The following CCDC34 variants were observed in gnomAD, a reference collection of about 807,000 sequenced individuals.
The protein encoded by CCDC34 is coiled-coil domain containing 34.
In CCDC34, 40 loss-of-function variants were observed where a neutral mutation model predicts 44.1. The ratio of observed to expected loss-of-function variants is 0.91; its 90% confidence interval spans 0.70 to 1.18. The LOEUF (loss-of-function observed/expected upper bound fraction) is 1.18. Among genes scored for constraint, CCDC34 ranks in the 50% most tolerant of loss-of-function variants. CCDC34 has a pLI of 0.00. For missense variants in CCDC34, 466 were observed against 452.3 expected, an observed-to-expected ratio of 1.03 and a Z score of -0.28; for synonymous variants, 159 against 158.2, an observed-to-expected ratio of 1.01 and a Z score of -0.04.
At chr11:27,360,286 G>A (rs779864755) in intron 1 of CCDC34, among the ~76,000 whole-genome samples, 1 of 152,128 alleles carries the variant, frequency 6.6e-6, no homozygotes, top group Non-Finnish European at 1.5e-5. Context: ...CCAGGAAAAC[G>A]CTTCTCATTA....
At chr11:27,356,723 T>C (rs893100820) in intron 2 of CCDC34, among the ~76,000 whole-genome samples, 5 of 151,548 alleles carry the variant, frequency 3.3e-5, no homozygotes, top group African/African-American at 9.7e-5. Flanking sequence ...TTTGAGTTCA[T>C]ATAGTAAAAG....
At chr11:27,359,274 T>C (rs1862624420) in intron 1 of CCDC34, among the ~76,000 whole-genome samples, 1 of 152,104 alleles carries the variant, frequency 6.6e-6, no homozygotes, top group Admixed American at 6.5e-5. Context: ...GCCTCTTCTT[T>C]CACCAACGGC....
intron 3 of CCDC34, chr11:27,349,006 T>A: frequency 2.0e-6 from 2 of 983,946 alleles, no homozygotes; most frequent in Non-Finnish European, 2.4e-6. Context: ...ATAATTGGAT[T>A]AGGTCTACTG....
intron 3 of CCDC34, among the ~76,000 whole-genome samples, chr11:27,346,471 GAAA>G (rs1862436167): frequency 9.2e-6 from 1 of 108,508 alleles, no homozygotes; most frequent in African/African-American, 3.7e-5. Context: ...GAAGACAGAG[GAAA>G]GAAGGAAGGA....
Position 27,357,546 on chromosome 11 carries a change from A to C in CCDC34, c.360-5T>G. ...TTTTCTGATTCAACCTGAGTGCTAC[A>C]AAAGAGAGGCTACTATAGTACTTGT... On this transcript the variant is annotated splice_polypyrimidine_tract_variant and splice_region_variant and intron_variant, in intron 1 of 5. Transcript: ENST00000328697. The C allele has an allele frequency of 6.2e-7, 1 of 1,613,476 alleles. No individual in the cohort carries two copies. Among genetic ancestry groups the C allele is most frequent in the Non-Finnish European group, 8.5e-7 (1 of 1,179,598 alleles).
chr11:27,362,724 A>G, intron 1 of CCDC34, 112 bp downstream of exon 1: 1 of 1,274,872 alleles, frequency 7.8e-7, no homozygotes, highest in Non-Finnish European at 1.1e-6. Context: ...TCAGTCTGCA[A>G]GTGCCTGCTC....
intron 2 of CCDC34, 30 bp from the exon 3 acceptor site, chr11:27,350,469 A>ATT (rs753875243): frequency 1.3e-6 from 2 of 1,549,486 alleles, no homozygotes; most frequent in South Asian, 2.4e-5. Context: ...AAAAGGCAAC[A>ATT]TTTAATAGAA....
At position 27,363,073 on chromosome 11, in the gene CCDC34, C is replaced by G. The variant is rs761135803; in HGVS notation, c.122G>C (p.Arg41Pro). 2 of 1,612,080 alleles carry G rather than the reference C, an allele frequency of 1.2e-6. No individual in the cohort carries two copies. The highest frequency in any genetic ancestry group is 1.7e-6 in the Non-Finnish European group (2 of 1,179,102). Residue 41 changes from arginine (R) to proline (P), a missense_variant, in exon 1 of 6, where the codon CGT becomes CCT. Physicochemically the swap from Arg to Pro is moderately radical, Grantham distance 103 (BLOSUM62 -2). Coordinates refer to ENST00000328697, the MANE Select transcript of CCDC34 (RefSeq NM_030771.2). ...GCGCACCACCTCCAGCCCCTGCCCA[C>G]GTGCGCCCGTCATAGGGACTGAGCA... ...DSCSVPMTGARGQGLEVVRSP... is the reference protein window; with the variant it reads ...DSCSVPMTGAPGQGLEVVRSP...
chr11:27,363,029 G>A lies in CCDC34; in HGVS notation c.166C>T (p.Pro56Ser), dbSNP rs1489225434. The change falls in exon 1 of 6, where the codon CCG becomes TCG. Residue 56 changes from proline to serine, a missense_variant. Coordinates refer to ENST00000328697, the MANE Select transcript of CCDC34 (RefSeq NM_030771.2). ...CTGGTGGAATTGCTGCAGCTCAGCGGCAGCGGCGGCGACGGCGAGCGCACC... is the reference window on the plus strand; with the variant it reads ...CTGGTGGAATTGCTGCAGCTCAGCGACAGCGGCGGCGACGGCGAGCGCACC... ...EVVRSPSPPLPLSCSNSTRSL... is the reference protein window; with the variant it reads ...EVVRSPSPPLSLSCSNSTRSL... 6.2e-7 allele frequency: 1 copy of A among 1,614,096 alleles called. No homozygotes were observed. The highest frequency in any genetic ancestry group is 1.7e-5 in the Admixed American group (1 of 60,024).
chr11:27,356,154 G>A (rs1862574104), intron 2 of CCDC34, among the ~76,000 whole-genome samples: 1 of 151,470 alleles, frequency 6.6e-6, no homozygotes. Flanking sequence ...GAGTAGCTGG[G>A]ATTACAGGCA....
intron 2 of CCDC34, among the ~76,000 whole-genome samples, chr11:27,356,279 G>A (rs1862576191): frequency 6.6e-6 from 1 of 151,704 alleles, no homozygotes; most frequent in Non-Finnish European, 1.5e-5. Flanking sequence ...GCCTCCCAAA[G>A]TGCTGGCATT....
At chr11:27,361,696 G>A (rs770806494) in intron 1 of CCDC34, among the ~76,000 whole-genome samples, 3 of 151,988 alleles carry the variant, frequency 2.0e-5, no homozygotes, top group Non-Finnish European at 4.4e-5. Context: ...CATGTATACG[G>A]GTTACTTCAT....
At chr11:27,345,779 A>C (rs1452869873) in intron 3 of CCDC34, among the ~76,000 whole-genome samples, 1 of 152,230 alleles carries the variant, frequency 6.6e-6, no homozygotes, top group Non-Finnish European at 1.5e-5. Flanking sequence ...AGCATGATTT[A>C]TAATCCTTTG....
chr11:27,348,536 G>T (rs1038132463), intron 3 of CCDC34, among the ~76,000 whole-genome samples: 1 of 152,142 alleles, frequency 6.6e-6, no homozygotes, highest in Non-Finnish European at 1.5e-5. Flanking sequence ...CATATTATAA[G>T]AAACTAGCTT....
chr11:27,347,797 G>A (rs889511807), intron 3 of CCDC34, among the ~76,000 whole-genome samples: 1 of 152,090 alleles, frequency 6.6e-6, no homozygotes, highest in African/African-American at 2.4e-5. Flanking sequence ...GAAATGTTCT[G>A]TATCTTTAAT....
At chr11:27,343,646 T>C (rs1590323030) in intron 3 of CCDC34, among the ~76,000 whole-genome samples, 1 of 152,340 alleles carries the variant, frequency 6.6e-6, no homozygotes, top group Non-Finnish European at 1.5e-5. Context: ...TCCACAACTT[T>C]ACCTATAAGA....
At chr11:27,350,243 A>AT (rs754133054) in intron 3 of CCDC34, 89 bp downstream of exon 3, 44 of 1,602,124 alleles carry the variant, frequency 2.7e-5, no homozygotes, top group South Asian at 9.2e-5. Flanking sequence ...TAAGAGAAGT[A>AT]TTTTTTAAAA....
intron 3 of CCDC34, among the ~76,000 whole-genome samples, chr11:27,345,866 C>T (rs1016190304): frequency 3.3e-5 from 5 of 152,154 alleles, no homozygotes; most frequent in Non-Finnish European, 7.3e-5. Flanking sequence ...GCCACACTGA[C>T]TTCCACAATG....
At chr11:27,349,084 A>G (rs1387199774) in intron 3 of CCDC34, 1 of 985,120 alleles carries the variant, frequency 1.0e-6, no homozygotes, top group Non-Finnish European at 1.2e-6. Context: ...AACAACAACT[A>G]GGTTTGATTG....
Sources: gnomAD v4.1 joint callset for allele counts (sites outside exome capture counted in the v4.1 genomes callset) on GRCh38, gnomAD v4.1.1 for gene constraint, MANE v1.5 for transcripts, NCBI Gene and HGNC (gene_info 2026-07-23, HGNC 2026-07-21) for gene names.